The following MAGI3 variants were observed in gnomAD, a reference collection of about 807,000 sequenced individuals.
The protein encoded by MAGI3 is membrane-associated guanylate kinase, WW and PDZ domain-containing protein 3.
Under a neutral mutation model 121.8 loss-of-function variants are expected in MAGI3, and 43 were observed. The observed-to-expected ratio is 0.35, with a 90% confidence interval of 0.28 to 0.46. MAGI3 has a LOEUF of 0.46. Among genes scored for constraint, MAGI3 ranks in the 20% least tolerant of loss-of-function variants. MAGI3 has a pLI of 1.00. For missense variants in MAGI3, 1,547 were observed against 1,797.3 expected (o/e 0.86, Z 2.52); for synonymous variants, 553 against 639.3 (o/e 0.86, Z 2.04).
At chr1:113,543,022 A>G (rs1659361960) in intron 1 of MAGI3, among the ~76,000 whole-genome samples, 1 of 151,918 alleles carries the variant, frequency 6.6e-6, no homozygotes, top group African/African-American at 2.4e-5. Flanking sequence ...GTTAAAACAT[A>G]TAGCATATAC....
chr1:113,397,156 C>T (rs1651157878), intron 1 of MAGI3, among the ~76,000 whole-genome samples: 1 of 151,984 alleles, frequency 6.6e-6, no homozygotes, highest in Non-Finnish European at 1.5e-5. Context: ...GGTCGAATAC[C>T]AGAAGAAGTA....
intron 1 of MAGI3, among the ~76,000 whole-genome samples, chr1:113,546,690 C>T (rs1006910263): frequency 2.6e-5 from 4 of 151,972 alleles, no homozygotes; most frequent in African/African-American, 4.8e-5. Flanking sequence ...AACTGTTCGT[C>T]TCGGTGTTAC....
intron 1 of MAGI3, among the ~76,000 whole-genome samples, chr1:113,440,534 G>C (rs1008006331): frequency 1.3e-5 from 2 of 152,094 alleles, no homozygotes; most frequent in African/African-American, 4.8e-5. Context: ...GGCTGGAATT[G>C]GTTACATGGA....
chr1:113,587,564 A>G (rs2101730807), intron 4 of MAGI3, among the ~76,000 whole-genome samples: 1 of 152,302 alleles, frequency 6.6e-6, no homozygotes, highest in African/African-American at 2.4e-5. Context: ...TGAGGAGAGG[A>G]TAGGTAGAGG....
chr1:113,575,230 G>A (rs1647550347), intron 2 of MAGI3, among the ~76,000 whole-genome samples: 1 of 152,090 alleles, frequency 6.6e-6, no homozygotes, highest in Admixed American at 6.5e-5. Flanking sequence ...TTGTGCCCTT[G>A]TCAGAGAGGA....
At chr1:113,566,914 C>A (rs1660453698) in intron 2 of MAGI3, among the ~76,000 whole-genome samples, 2 of 149,272 alleles carry the variant, frequency 1.3e-5, no homozygotes, top group South Asian at 2.1e-4. Flanking sequence ...CCAAAGTCAG[C>A]ACAAAGAAGG....
At chr1:113,392,702 T>C (rs1049525937) in intron 1 of MAGI3, among the ~76,000 whole-genome samples, 1 of 152,236 alleles carries the variant, frequency 6.6e-6, no homozygotes, top group Non-Finnish European at 1.5e-5. Flanking sequence ...TTTATTGTTG[T>C]TAATTTTTTA....
At position 113,524,444 on chromosome 1, in the gene MAGI3, G is replaced by T. The variant is rs573325265; in HGVS notation, c.317-25071G>T. 4.6e-5 allele frequency among the ~76,000 whole-genome samples: 7 copies of T among 152,246 alleles called. No individual in the cohort carries two copies. In the South Asian group the frequency reaches 1.5e-3, roughly 32 times the overall value. On this transcript the variant is annotated intron_variant, in intron 1 of 20. Coordinates refer to ENST00000307546, the MANE Select transcript of MAGI3 (RefSeq NM_001142782.2). ...CCTGCAAAGCCACAGGGACAGAGCT[G>T]CCCAAGACCATGGGAACCCACCTCT...
At chr1:113,506,414 C>T (rs1337706570) in intron 1 of MAGI3, among the ~76,000 whole-genome samples, 1 of 150,022 alleles carries the variant, frequency 6.7e-6, no homozygotes, top group African/African-American at 2.4e-5. Context: ...ACCTCATATC[C>T]CTTTTTTTTT....
intron 16 of MAGI3, among the ~76,000 whole-genome samples, chr1:113,661,770 T>G (rs1653796015): frequency 6.6e-6 from 1 of 152,180 alleles, no homozygotes; most frequent in South Asian, 2.1e-4. Context: ...AGATATATAC[T>G]TAAAGTATAT....
chr1:113,557,047 T>C (rs1042448378), intron 2 of MAGI3, among the ~76,000 whole-genome samples: 1 of 152,238 alleles, frequency 6.6e-6, no homozygotes, highest in Non-Finnish European at 1.5e-5. Flanking sequence ...AAGAAAACTT[T>C]AGCAGAGAGG....
chr1:113,541,962 A>C (rs1659307258), intron 1 of MAGI3, among the ~76,000 whole-genome samples: 1 of 152,032 alleles, frequency 6.6e-6, no homozygotes, highest in African/African-American at 2.4e-5. Flanking sequence ...TGTTTCCTCT[A>C]CCAACATTTC....
chr1:113,598,245 A>G (rs1265911902), intron 6 of MAGI3, among the ~76,000 whole-genome samples: 1 of 140,662 alleles, frequency 7.1e-6, no homozygotes, highest in African/African-American at 2.6e-5. Flanking sequence ...AAAAAAACTC[A>G]CAGGACCTAT....
At position 113,683,263 on chromosome 1, in the gene MAGI3, C is replaced by T. The variant is rs1648328359; in HGVS notation, c.3695C>T (p.Ser1232Leu). 5.6e-6 allele frequency: 9 copies of T among 1,613,080 alleles called. No homozygotes were observed. Among genetic ancestry groups the T allele is most frequent in the Non-Finnish European group, 6.8e-6 (8 of 1,179,710 alleles). Residue 1232 changes from serine (S) to leucine (L), a missense_variant, in exon 21 of 21, where the codon TCA becomes TTA. By Grantham distance (145) the Ser-to-Leu change is moderately radical. Coordinates refer to ENST00000307546, the MANE Select transcript of MAGI3 (RefSeq NM_001142782.2). Reference protein sequence around the residue: ...VSPKKPASQHSEEHLDKIPSP... With the variant: ...VSPKKPASQHLEEHLDKIPSP... ...CCCAAAAAGCCAGCCAGTCAACATT[C>T]AGAGGAACATTTGGATAAGATTCCT...
chr1:113,648,057 G>T (rs551243075), intron 12 of MAGI3, among the ~76,000 whole-genome samples: 2 of 151,912 alleles, frequency 1.3e-5, no homozygotes, highest in African/African-American at 4.8e-5. Flanking sequence ...TGAGTAGCTG[G>T]CACTACAGGC....
chr1:113,584,701 A>C (rs1036979459), intron 3 of MAGI3, among the ~76,000 whole-genome samples: 1 of 152,180 alleles, frequency 6.6e-6, no homozygotes, highest in Non-Finnish European at 1.5e-5. Context: ...CTTTTATGCC[A>C]ATTAGTCTTA....
chr1:113,572,867 G>C (rs1397625452), intron 2 of MAGI3, among the ~76,000 whole-genome samples: 3 of 151,414 alleles, frequency 2.0e-5, no homozygotes, highest in Admixed American at 6.6e-5. Context: ...TTTTTTGGAG[G>C]GTGTTTCATG....
At position 113,583,765 on chromosome 1, in the gene MAGI3, GTCTGTTTTC is replaced by G. The variant is rs1648189974; in HGVS notation, c.554-1621_554-1613del. ...AGCTAGAAAGTTTGCAGAAAGTTTAGTCTGTTTTCATACAAATCTTTGCATCCATCTGTA... is the reference window on the plus strand; with the variant it reads ...AGCTAGAAAGTTTGCAGAAAGTTTAGATACAAATCTTTGCATCCATCTGTA... On this transcript the variant is annotated intron_variant, in intron 3 of 20. Coordinates refer to ENST00000307546, the MANE Select transcript of MAGI3 (RefSeq NM_001142782.2). Among the ~76,000 whole-genome samples, 3 of 61,294 alleles carry G rather than the reference GTCTGTTTTC, an allele frequency of 4.9e-5. No homozygotes were observed. In the South Asian group the frequency reaches 1.7e-3, roughly 34 times the overall value. 40.2% of individuals were successfully genotyped at this position (61,294 alleles called of 152,430 possible).
At chr1:113,631,393 G>A (rs143929944) in intron 9 of MAGI3, among the ~76,000 whole-genome samples, 2 of 152,220 alleles carry the variant, frequency 1.3e-5, no homozygotes, top group African/African-American at 2.4e-5. Context: ...CTTCTATCCC[G>A]CCACTTTGCT....
Sources: allele counts gnomAD v4.1 joint callset (sites outside exome capture counted in the v4.1 genomes callset), GRCh38; gene constraint gnomAD v4.1.1; transcripts MANE v1.5; gene names NCBI Gene and HGNC (gene_info 2026-07-23, HGNC 2026-07-21).